ZNF462: variants seen among roughly 807,000 people sequenced by gnomAD.
ZNF462 encodes zinc finger protein 462.
In ZNF462, 10 loss-of-function variants were observed where a neutral mutation model predicts 201.9. That is an observed-to-expected ratio of 0.05 (90% CI 0.03 to 0.08). The LOEUF is 0.08. Ranked by LOEUF, ZNF462 falls within the 10% of genes least tolerant of loss-of-function variation. The probability of loss-of-function intolerance (pLI) is 1.00; values close to 1 mark genes in which losing one functional copy is unlikely to be tolerated. For synonymous variants in ZNF462, 1,227 were observed against 1,193.3 expected, an observed-to-expected ratio of 1.03 and a Z score of -0.58; for missense variants, 2,523 against 3,168.3, an observed-to-expected ratio of 0.80 and a Z score of 4.89.
chr9:106,957,110 A>G (rs1049983986), intron 7 of ZNF462, among the ~76,000 whole-genome samples: 2 of 152,156 alleles, frequency 1.3e-5, no homozygotes, highest in African/African-American at 4.8e-5. Flanking sequence ...AGCTTTCAGC[A>G]TGCCTTCCTC....
intron 9 of ZNF462, among the ~76,000 whole-genome samples, chr9:106,976,815 G>A (rs1315383655): frequency 6.6e-6 from 1 of 152,208 alleles, no homozygotes; most frequent in Non-Finnish European, 1.5e-5. Context: ...CTATGTGGTG[G>A]ATGACTGTTA....
rs957357394 is a variant in ZNF462, at chr9:106,917,020, A to G, written c.-30-6334A>G. Among the ~76,000 whole-genome samples, 3 of 152,220 alleles carry G rather than the reference A, an allele frequency of 2.0e-5. No individual in the cohort carries two copies. Among genetic ancestry groups the G allele is most frequent in the Non-Finnish European group, 1.5e-5 (1 of 68,040 alleles). On this transcript the variant is annotated intron_variant, in intron 1 of 12. Coordinates refer to ENST00000277225, the MANE Select transcript of ZNF462 (RefSeq NM_021224.6). The surrounding 1 kb of genome is among the most constrained non-coding windows in gnomAD (Gnocchi z 4.5). ...ATCACACGCTTCCTTTTCTACGGAC[A>G]GGAGAGCTGGCAGACTGCCTATTGG...
rs959087716 is a variant in ZNF462 at position 106,968,477 on chromosome 9, C to T, written c.6428-3528C>T. The stretch of plus-strand genomic sequence containing the variant: ...CATTATAATTTCATTTCTAAAACTT[C>T]ACATATAATTAAAGTCACAAGTCAG... On this transcript the variant is annotated intron_variant, in intron 7 of 12. Transcript: ENST00000277225. This position sits in a 1 kb window ranked among gnomAD's most constrained non-coding sequence, Gnocchi z 4.0. Among the ~76,000 whole-genome samples, 3 of 152,126 alleles carry T rather than the reference C, an allele frequency of 2.0e-5. No homozygotes were observed. The highest frequency in any genetic ancestry group is 2.1e-4 in the South Asian group (1 of 4,824).
chr9:107,000,101 C>T (rs1829072794), intron 10 of ZNF462, among the ~76,000 whole-genome samples: 1 of 151,920 alleles, frequency 6.6e-6, no homozygotes, highest in African/African-American at 2.4e-5. Context: ...ATTAAGGACT[C>T]AACACATGAA....
intron 1 of ZNF462, among the ~76,000 whole-genome samples, chr9:106,910,376 T>G (rs1200933431): frequency 6.7e-6 from 1 of 149,664 alleles, no homozygotes; most frequent in South Asian, 2.1e-4. Context: ...TTTTTTTTTT[T>G]TTTTTTTTTT....
chr9:106,893,159 G>A (rs750093824), intron 1 of ZNF462, among the ~76,000 whole-genome samples: 2 of 152,172 alleles, frequency 1.3e-5, no homozygotes, highest in Admixed American at 6.5e-5. Flanking sequence ...TTCACAACAC[G>A]ATGCCAAGAA....
rs1813938028 is a variant in ZNF462, at chr9:106,923,223, AC to A, written c.-30-130del. On this transcript the variant is annotated intron_variant, in intron 1 of 12. Transcript: ENST00000277225. This position sits in a 1 kb window ranked among gnomAD's most constrained non-coding sequence, Gnocchi z 5.6. The stretch of plus-strand genomic sequence containing the variant: ...TTGCCTCTCTTTAGCCAATGTTCCA[AC>A]TGGCAAAGTCCAATAAGAGAAATCT... The A allele has an allele frequency of 4.6e-6, 3 of 658,956 alleles. No individual in the cohort carries two copies. The highest frequency in any genetic ancestry group is 7.9e-6 in the Non-Finnish European group (3 of 380,662). 40.8% of individuals were successfully genotyped at this position (658,956 alleles called of 1,614,324 possible).
At chr9:106,869,098 G>T (rs1329846686) in intron 1 of ZNF462, among the ~76,000 whole-genome samples, 1 of 152,172 alleles carries the variant, frequency 6.6e-6, no homozygotes, top group Non-Finnish European at 1.5e-5. Context: ...GGAAGTTTGT[G>T]TGAGTCTATT....
At chr9:106,904,161 A>G (rs892776699) in intron 1 of ZNF462, among the ~76,000 whole-genome samples, 2 of 146,588 alleles carry the variant, frequency 1.4e-5, no homozygotes, top group Admixed American at 6.7e-5. Flanking sequence ...TTGTCTGAAA[A>G]CAAGTGTATC....
In ZNF462 at chr9:107,003,836, A is replaced by G. The variant is rs993002585; in HGVS notation, c.7189+410A>G. On this transcript the variant is annotated intron_variant, in intron 11 of 12. Coordinates refer to ENST00000277225, the MANE Select transcript of ZNF462 (RefSeq NM_021224.6). This position sits in a 1 kb window ranked among gnomAD's most constrained non-coding sequence, Gnocchi z 4.4. ...TTGCTGCTGGGGCACACACTGCTGGAACTGTAGGGGACGGTGGTGCAAAGA... is the reference window on the plus strand; with the variant it reads ...TTGCTGCTGGGGCACACACTGCTGGGACTGTAGGGGACGGTGGTGCAAAGA... Among the ~76,000 whole-genome samples the G allele has an allele frequency of 1.3e-5, 2 of 152,018 alleles. No homozygotes were observed. Among genetic ancestry groups the G allele is most frequent in the Non-Finnish European group, 2.9e-5 (2 of 68,020 alleles).
rs1473331061 is a variant in ZNF462 at position 107,011,494 on chromosome 9, AAAAAC to A, written c.*469_*473del. ...GCAGCCGCTTTGGGAAAAAAAAACA[AAAAAC>A]AAAAAACAGAAAACAAAAAAAAAAA... On this transcript the variant is annotated 3_prime_UTR_variant, in exon 13 of 13. Transcript: ENST00000277225. The surrounding 1 kb of genome is among the most constrained non-coding windows in gnomAD (Gnocchi z 5.6). 2.7e-5 allele frequency: 4 copies of A among 150,416 alleles called. No individual in the cohort carries two copies. Among genetic ancestry groups the A allele is most frequent in the Admixed American group, 6.6e-5 (1 of 15,254 alleles). 9.3% of individuals were successfully genotyped at this position (150,416 alleles called of 1,614,324 possible).
chr9:106,920,144 CT>C lies in ZNF462; in HGVS notation c.-30-3198del, dbSNP rs796501261. 6.3e-4 allele frequency among the ~76,000 whole-genome samples: 91 copies of C among 144,804 alleles called. No individual in the cohort carries two copies. The highest frequency in any genetic ancestry group is 3.6e-3 in the Middle Eastern group (1 of 280). 95.0% of individuals were successfully genotyped at this position (144,804 alleles called of 152,430 possible). A position where few individuals can be genotyped will look rare whatever the true frequency, so the allele number is the denominator to read the frequency against. ...AAGATATGCAGAGCTTATTTCTCAC[CT>C]TTTTTTTTTTTCCTCGGTTTTGGTT... On this transcript the variant is annotated intron_variant, in intron 1 of 12. Transcript: ENST00000277225. The surrounding 1 kb of genome is among the most constrained non-coding windows in gnomAD (Gnocchi z 4.3).
chr9:106,884,731 TG>T (rs1285551248), intron 1 of ZNF462, among the ~76,000 whole-genome samples: 1 of 152,196 alleles, frequency 6.6e-6, no homozygotes. Flanking sequence ...TTGGTTTTTT[TG>T]TTTGTTTGTT....
rs754685179 is a variant in ZNF462 at position 106,929,074 on chromosome 9, A to G, written c.5162A>G (p.Asp1721Gly). Residue 1721 changes from aspartate to glycine, a missense_variant, in exon 3 of 13, where the codon GAC becomes GGC. Physicochemically the swap from Asp to Gly is moderately conservative, Grantham distance 94. Coordinates refer to ENST00000277225, the MANE Select transcript of ZNF462 (RefSeq NM_021224.6). This position sits in a 1 kb window ranked among gnomAD's most constrained non-coding sequence, Gnocchi z 8.7. ...GLAAHYQKRH[D>G]IDAYYTHCLA... ...GCAGCCCACTACCAGAAGCGCCACG[A>G]CATTGATGCGTATTACACTCACTGC... The G allele has an allele frequency of 6.2e-7, 1 of 1,614,110 alleles. No homozygotes were observed.
In ZNF462 at chr9:106,895,317, C is replaced by CA. The variant is rs2131103122; in HGVS notation, c.-30-28035dup. 6.6e-6 allele frequency among the ~76,000 whole-genome samples: 1 copy of CA among 152,270 alleles called. No individual in the cohort carries two copies. The highest frequency in any genetic ancestry group is 2.1e-4 in the South Asian group (1 of 4,824). ...GACCTGGTTATTAGACAGAGTGCAC[C>CA]AAGCATTAGCTTCTGCCCGTGCTCC... On this transcript the variant is annotated intron_variant, in intron 1 of 12. Transcript: ENST00000277225. The surrounding 1 kb of genome is among the most constrained non-coding windows in gnomAD (Gnocchi z 4.4).
chr9:106,937,974 ATTG>A (rs1328791004), intron 6 of ZNF462, among the ~76,000 whole-genome samples: 2 of 152,192 alleles, frequency 1.3e-5, no homozygotes, highest in Non-Finnish European at 2.9e-5. Context: ...TTCTAAGTCT[ATTG>A]TTCTTAAAAG....
In ZNF462 at chr9:106,890,811, A is replaced by G. The variant is rs1338678141; in HGVS notation, c.-31+27456A>G. Among the ~76,000 whole-genome samples, 2 of 152,180 alleles carry G rather than the reference A, an allele frequency of 1.3e-5. No homozygotes were observed. ...TAGACTATGTTGTTCAATTATCATGAGATTACCACATACTCTTGCCTGGAA... is the reference window on the plus strand; with the variant it reads ...TAGACTATGTTGTTCAATTATCATGGGATTACCACATACTCTTGCCTGGAA... On this transcript the variant is annotated intron_variant, in intron 1 of 12. Transcript: ENST00000277225. This position sits in a 1 kb window ranked among gnomAD's most constrained non-coding sequence, Gnocchi z 4.2.
chr9:106,974,284 T>C lies in ZNF462; in HGVS notation c.6832+11T>C. 6.2e-7 allele frequency: 1 copy of C among 1,614,170 alleles called. No individual in the cohort carries two copies. The highest frequency in any genetic ancestry group is 8.5e-7 in the Non-Finnish European group (1 of 1,179,998). On this transcript the variant is annotated intron_variant, in intron 9 of 12. Transcript: ENST00000277225. This position sits in a 1 kb window ranked among gnomAD's most constrained non-coding sequence, Gnocchi z 4.0. ...TCGTGCTGCACCGAGGTAACCTTTC[T>C]AACTTGGTTTTCTTGGATGCAGCGG...
chr9:106,984,573 A>G lies in ZNF462; in HGVS notation c.7056+164A>G, dbSNP rs1381068206. 6.6e-6 allele frequency among the ~76,000 whole-genome samples: 1 copy of G among 152,182 alleles called. No homozygotes were observed. The highest frequency in any genetic ancestry group is 2.4e-5 in the African/African-American group (1 of 41,450). On this transcript the variant is annotated intron_variant, in intron 10 of 12. Transcript: ENST00000277225. This position sits in a 1 kb window ranked among gnomAD's most constrained non-coding sequence, Gnocchi z 6.4. ...TTTCTTCTATTAGAAACGTAAGGTC[A>G]TTTTTAAAAATTGCGAAACACAGGT...
Sources: gnomAD v4.1 joint callset for allele counts (sites outside exome capture counted in the v4.1 genomes callset) on GRCh38, gnomAD v4.1.1 for gene constraint, Gnocchi (gnomAD v3.1) non-coding constraint, MANE v1.5 for transcripts, NCBI Gene and HGNC (gene_info 2026-07-23, HGNC 2026-07-21) for gene names.